Variants in SLC39A11 observed in about 807,000 individuals in gnomAD.
SLC39A11 encodes solute carrier family 39 member 11.
A neutral mutation model predicts 36.1 loss-of-function variants in SLC39A11; 33 were observed. The ratio of observed to expected loss-of-function variants is 0.91; its 90% CI spans 0.69 to 1.22. SLC39A11 has a LOEUF of 1.22. SLC39A11 is among the 50% of genes most tolerant of loss of function. The pLI is 0.00. For synonymous variants in SLC39A11, 166 were observed against 170.3 expected (o/e 0.97, Z 0.20); for missense variants, 432 against 430.3 (o/e 1.00, Z -0.03).
chr17:72,719,999 C>T (rs988708288), intron 7 of SLC39A11, among the ~76,000 whole-genome samples: 1 of 152,106 alleles, frequency 6.6e-6, no homozygotes, highest in East Asian at 1.9e-4. Flanking sequence ...GAAACTGGGG[C>T]GCAAAAGGGA....
chr17:72,656,472 C>CGTGTGTAGA (rs2070124642), intron 7 of SLC39A11, among the ~76,000 whole-genome samples: 1 of 151,934 alleles, frequency 6.6e-6, no homozygotes, highest in Admixed American at 6.6e-5. Context: ...GAGGGGCATC[C>CGTGTGTAGA]GTGTGTAGAG....
At chr17:72,781,446 C>T (rs531544715) in intron 6 of SLC39A11, among the ~76,000 whole-genome samples, 245 of 149,178 alleles carry the variant, frequency 1.6e-3, no homozygotes, top group African/African-American at 5.5e-3. Context: ...TTTTTTGAGA[C>T]GGAGTCTCGC....
At chr17:72,928,773 A>T (rs1270868798) in intron 5 of SLC39A11, among the ~76,000 whole-genome samples, 1 of 152,168 alleles carries the variant, frequency 6.6e-6, no homozygotes, top group African/African-American at 2.4e-5. Flanking sequence ...AAACAAAGGG[A>T]AGTGCGTGCC....
At chr17:72,967,953 G>A (rs2087137970) in intron 4 of SLC39A11, among the ~76,000 whole-genome samples, 1 of 152,070 alleles carries the variant, frequency 6.6e-6, no homozygotes, top group Non-Finnish European at 1.5e-5. Flanking sequence ...TACACGTGGA[G>A]AACTAATAGC....
At chr17:72,971,336 A>ACACACACTCTCTCT (rs1555657685) in intron 4 of SLC39A11, among the ~76,000 whole-genome samples, 6 of 143,412 alleles carry the variant, frequency 4.2e-5, no homozygotes, top group African/African-American at 1.5e-4. Flanking sequence ...ACACACACAC[A>ACACACACTCTCTCT]CTCTCTCTCT....
rs918914149 is a variant in SLC39A11, at chr17:72,797,691, C to T, written c.601+51943G>A. Among the ~76,000 whole-genome samples, 10 of 152,120 alleles carry T rather than the reference C, an allele frequency of 6.6e-5. 1 individual carries two copies. The highest frequency in any genetic ancestry group is 4.6e-4 in the Admixed American group (7 of 15,286). On this transcript the variant is annotated intron_variant, in intron 6 of 9. Transcript: ENST00000255559. Reference sequence around the variant, plus strand: ...TCACGGGATGCACACCATCGTGGCCCGGCTCTGCAGAGGATGGAGCTGAAG... The same window carrying T: ...TCACGGGATGCACACCATCGTGGCCTGGCTCTGCAGAGGATGGAGCTGAAG...
At chr17:72,888,568 A>G (rs2081554217) in intron 5 of SLC39A11, among the ~76,000 whole-genome samples, 1 of 152,144 alleles carries the variant, frequency 6.6e-6, no homozygotes, top group African/African-American at 2.4e-5. Context: ...CAACAACATC[A>G]TTTTGCCTAC....
intron 6 of SLC39A11, among the ~76,000 whole-genome samples, chr17:72,741,233 GT>G (rs1321848003): frequency 6.6e-6 from 1 of 151,728 alleles, no homozygotes. Flanking sequence ...TTTTAAAAAA[GT>G]TTTTCATAGA....
chr17:72,781,599 A>G (rs1233915873), intron 6 of SLC39A11, among the ~76,000 whole-genome samples: 1 of 151,598 alleles, frequency 6.6e-6, no homozygotes, highest in Non-Finnish European at 1.5e-5. Context: ...AATTTTTTGT[A>G]TTTTTAATAG....
intron 5 of SLC39A11, among the ~76,000 whole-genome samples, chr17:72,862,886 T>C (rs1451298797): frequency 1.3e-5 from 2 of 152,200 alleles, no homozygotes; most frequent in Admixed American, 6.5e-5. Flanking sequence ...AGACTGGAAC[T>C]GAGCCCAGCC....
chr17:72,872,162 G>A (rs1275103890), intron 5 of SLC39A11, among the ~76,000 whole-genome samples: 1 of 152,234 alleles, frequency 6.6e-6, no homozygotes, highest in Non-Finnish European at 1.5e-5. Flanking sequence ...GAGGGCAGGT[G>A]ATTCCAACCC....
chr17:73,068,525 T>C (rs1029351536), intron 3 of SLC39A11, among the ~76,000 whole-genome samples: 3 of 152,168 alleles, frequency 2.0e-5, no homozygotes, highest in Non-Finnish European at 4.4e-5. Context: ...TAAGTAAGCC[T>C]AAGAGACCCC....
At chr17:72,943,272 G>A (rs2147647489) in intron 5 of SLC39A11, among the ~76,000 whole-genome samples, 1 of 152,318 alleles carries the variant, frequency 6.6e-6, no homozygotes, top group African/African-American at 2.4e-5. Flanking sequence ...CAGGAAGAGT[G>A]CCACGCAGCA....
intron 7 of SLC39A11, among the ~76,000 whole-genome samples, chr17:72,691,510 T>C (rs2072028087): frequency 6.6e-6 from 1 of 152,232 alleles, no homozygotes; most frequent in African/African-American, 2.4e-5. Flanking sequence ...GCCAGAAATG[T>C]AAGAGTTGAC....
At chr17:72,674,293 C>A (rs927487947) in intron 7 of SLC39A11, among the ~76,000 whole-genome samples, 3 of 152,162 alleles carry the variant, frequency 2.0e-5, no homozygotes, top group Admixed American at 2.0e-4. Flanking sequence ...TGACAGTATA[C>A]TACAGATACT....
At position 72,647,194 on chromosome 17, in the gene SLC39A11, A is replaced by C. The variant is rs954015779; in HGVS notation, c.*390T>G. On this transcript the variant is annotated 3_prime_UTR_variant, in exon 10 of 10. Coordinates refer to ENST00000255559, the MANE Select transcript of SLC39A11 (RefSeq NM_139177.4). ...TGTGCTGGCCACTCTGCCCTGAGTC[A>C]CTAGGCCACCAAAATGCTTAGGAGA... 2 of 168,060 alleles carry C rather than the reference A, an allele frequency of 1.2e-5. No homozygotes were observed. The highest frequency in any genetic ancestry group is 4.8e-5 in the African/African-American group (2 of 41,610). 10.4% of individuals were successfully genotyped at this position (168,060 alleles called of 1,614,324 possible). A position where few individuals can be genotyped will look rare whatever the true frequency, so the allele number is the denominator to read the frequency against.
chr17:73,025,044 C>A lies in SLC39A11; in HGVS notation c.306+6512G>T, dbSNP rs188108467. On this transcript the variant is annotated intron_variant, in intron 4 of 9. Transcript: ENST00000255559. ...ACTGGGTACATATTCAAAGTACACA[C>A]GCACACTGTTCATTTAAGCTTCACT... 2.0e-4 allele frequency among the ~76,000 whole-genome samples: 31 copies of A among 152,086 alleles called. 1 individual carries two copies. The highest frequency in any genetic ancestry group is 7.2e-4 in the African/African-American group (30 of 41,500).
In SLC39A11 at chr17:72,962,312, C is replaced by T. The variant is rs192076032; in HGVS notation, c.307-14437G>A. On this transcript the variant is annotated intron_variant, in intron 4 of 9. Coordinates refer to ENST00000255559, the MANE Select transcript of SLC39A11 (RefSeq NM_139177.4). ...TTCCATGGGGCCAGAGTCCAGGGAT[C>T]GGTGCAGCTAGGTCCTCTGCTCAGA... Among the ~76,000 whole-genome samples, 52 of 152,292 alleles carry T rather than the reference C, an allele frequency of 3.4e-4. 2 individuals are homozygous for T. Among genetic ancestry groups the T allele is most frequent in the Non-Finnish European group, 6.3e-4 (43 of 68,022 alleles).
rs548793370 is a variant in SLC39A11 at position 72,867,452 on chromosome 17, A to G, written c.431-17648T>C. ...GAGGCGGAGGTTGCGGTGAGCTGAG[A>G]TCGCGCCACTGTACTCCAGCCTGGG... is the stretch of plus-strand genomic sequence containing the variant. On this transcript the variant is annotated intron_variant, in intron 5 of 9. Coordinates refer to ENST00000255559, the MANE Select transcript of SLC39A11 (RefSeq NM_139177.4). 6.0e-4 allele frequency among the ~76,000 whole-genome samples: 91 copies of G among 152,286 alleles called. 1 individual carries two copies. The highest frequency in any genetic ancestry group is 2.1e-3 in the African/African-American group (88 of 41,544).
Sources: gnomAD v4.1 joint callset for allele counts (sites outside exome capture counted in the v4.1 genomes callset) on GRCh38, gnomAD v4.1.1 for gene constraint, MANE v1.5 for transcripts, NCBI Gene and HGNC (gene_info 2026-07-23, HGNC 2026-07-21) for gene names.